Variants in VPS13B observed in about 807,000 individuals in gnomAD.
VPS13B encodes the protein vacuolar protein sorting 13 homolog B, also known as intermembrane lipid transfer protein VPS13B.
VPS13B carries 285 observed loss-of-function variants against 426.4 expected under a neutral mutation model. The observed-to-expected ratio is 0.67, with a 90% confidence interval of 0.61 to 0.74. VPS13B has a LOEUF of 0.74. Ranked by LOEUF, VPS13B falls within the 30% of genes least tolerant of loss-of-function variation. The pLI, the probability that VPS13B is intolerant of heterozygous loss-of-function variation, is 0.00. For synonymous variants in VPS13B, 1,676 were observed against 1,676.4 expected (o/e 1.00, Z 0.01); for missense variants, 4,537 against 4,782.6 (o/e 0.95, Z 1.51).
intron 33 of VPS13B, among the ~76,000 whole-genome samples, chr8:99,626,091 A>G (rs1412484186): frequency 6.6e-6 from 1 of 152,218 alleles, no homozygotes; most frequent in African/African-American, 2.4e-5. Flanking sequence ...CATAGGAGTA[A>G]TTTTTTGTGA....
At position 99,121,392 on chromosome 8, in the gene VPS13B, G is replaced by T. The variant is rs1262956818; in HGVS notation, c.1153G>T (p.Asp385Tyr). 1.2e-6 allele frequency: 2 copies of T among 1,614,034 alleles called. No individual in the cohort carries two copies. The highest frequency in any genetic ancestry group is 1.3e-5 in the African/African-American group (1 of 74,914). The part of the protein sequence containing the change: ...MHQQKAQTLK[D>Y]PIVSIGFYCT... The stretch of plus-strand genomic sequence containing the variant: ...TCAACAAAAAGCACAGACTTTGAAG[G>T]ATCCTATTGTTTCTATAGGATTTTA... The change falls in exon 8 of 62, where the codon GAT becomes TAT. Residue 385 changes from aspartate to tyrosine, a missense_variant. Asp to Tyr is a radical substitution (Grantham distance 160, BLOSUM62 -3). Transcript: ENST00000357162.
At chr8:99,171,699 A>T (rs932913943) in intron 16 of VPS13B, among the ~76,000 whole-genome samples, 4 of 152,066 alleles carry the variant, frequency 2.6e-5, no homozygotes, top group African/African-American at 7.2e-5. Flanking sequence ...TGTAGTTAAG[A>T]CTACTTCTGT....
chr8:99,441,479 T>G (rs2133438378), intron 22 of VPS13B, among the ~76,000 whole-genome samples: 1 of 152,246 alleles, frequency 6.6e-6, no homozygotes, highest in Admixed American at 6.5e-5. Context: ...GTGAAATATT[T>G]TGTAGGAAAT....
chr8:99,313,521 C>T (rs1821130672), intron 19 of VPS13B, among the ~76,000 whole-genome samples: 1 of 152,142 alleles, frequency 6.6e-6, no homozygotes, highest in Non-Finnish European at 1.5e-5. Context: ...CTGATCGTTC[C>T]TCTGGAAGCT....
chr8:99,497,886 T>C (rs1456638256), intron 25 of VPS13B, among the ~76,000 whole-genome samples: 1 of 152,172 alleles, frequency 6.6e-6, no homozygotes, highest in Non-Finnish European at 1.5e-5. Flanking sequence ...CCTTAAATGG[T>C]TTTGTTCTTA....
intron 33 of VPS13B, among the ~76,000 whole-genome samples, chr8:99,634,774 A>G (rs1029164900): frequency 6.6e-6 from 1 of 151,972 alleles, no homozygotes; most frequent in Non-Finnish European, 1.5e-5. Flanking sequence ...GAGACATTTC[A>G]TATTGAAGTC....
At chr8:99,874,890 A>AGCAGAAAATGTT (rs1817614602) in intron 61 of VPS13B, 1 of 154,350 alleles carries the variant, frequency 6.5e-6, no homozygotes, top group Non-Finnish European at 1.4e-5. Flanking sequence ...GATTTAGAAA[A>AGCAGAAAATGTT]GCAGAAAATG....
Position 99,853,861 on chromosome 8 carries a change from T to C in VPS13B, c.10472T>C (p.Leu3491Pro). Reference protein sequence around the residue: ...CITLNEGKSILCDINEFSFEL... With the variant: ...CITLNEGKSIPCDINEFSFEL... ...ACCTTAAATGAAGGCAAGAGCATCC[T>C]CTGTGATATTAATGAGTTCAGCTTT... Residue 3491 changes from leucine (L) to proline (P), a missense_variant, in exon 56 of 62, where the codon CTC becomes CCC. This residue lies in a region of VPS13B where 4,311 missense variants were observed against 4,474.3 expected (regional missense o/e 0.96). Coordinates refer to ENST00000357162, the MANE Select transcript of VPS13B (RefSeq NM_152564.5). 1 of 1,614,264 alleles carries C rather than the reference T, an allele frequency of 6.2e-7. No homozygotes were observed. Among genetic ancestry groups the C allele is most frequent in the Non-Finnish European group, 8.5e-7 (1 of 1,180,052 alleles).
At chr8:99,600,078 C>T (rs1307513998) in intron 33 of VPS13B, among the ~76,000 whole-genome samples, 1 of 152,112 alleles carries the variant, frequency 6.6e-6, no homozygotes, top group Non-Finnish European at 1.5e-5. Context: ...CTACTCAGTG[C>T]AGCTTTTGTC....
At chr8:99,315,919 G>A (rs1043840396) in intron 19 of VPS13B, among the ~76,000 whole-genome samples, 9 of 152,176 alleles carry the variant, frequency 5.9e-5, no homozygotes, top group Non-Finnish European at 1.2e-4. Flanking sequence ...CTGCCCATTG[G>A]TAGAACTTTT....
chr8:99,087,462 T>C (rs1299816360), intron 3 of VPS13B, among the ~76,000 whole-genome samples: 1 of 152,024 alleles, frequency 6.6e-6, no homozygotes, highest in African/African-American at 2.4e-5. Flanking sequence ...GCACCCACTG[T>C]CCTGCATCTA....
At chr8:99,250,000 T>C (rs1213491742) in intron 17 of VPS13B, among the ~76,000 whole-genome samples, 2 of 152,204 alleles carry the variant, frequency 1.3e-5, no homozygotes, top group Non-Finnish European at 2.9e-5. Flanking sequence ...TATGACTTAC[T>C]GGTTTCTTCA....
chr8:99,809,247 C>A (rs1205671286), intron 43 of VPS13B, 128 bp from the exon 44 acceptor site: 22 of 1,156,730 alleles, frequency 1.9e-5, no homozygotes, highest in Non-Finnish European at 2.4e-5. Flanking sequence ...ATGAATAATG[C>A]AGGTTAGAAA....
In VPS13B at chr8:99,458,901, A is replaced by G. The variant is rs868570029; in HGVS notation, c.3446-8513A>G. ...TCACTCTGATGGTAGTTTCTTTTGC[A>G]GTGCAGAAGCTCTTTAGTTTAATTA... On this transcript the variant is annotated intron_variant, in intron 23 of 61. Coordinates refer to ENST00000357162, the MANE Select transcript of VPS13B (RefSeq NM_152564.5). 2.0e-5 allele frequency among the ~76,000 whole-genome samples: 3 copies of G among 152,088 alleles called. No homozygotes were observed. The South Asian group carries it at 6.2e-4, about 32-fold the overall frequency.
At chr8:99,437,658 C>T (rs1182293742) in intron 22 of VPS13B, among the ~76,000 whole-genome samples, 4 of 152,000 alleles carry the variant, frequency 2.6e-5, no homozygotes, top group Non-Finnish European at 4.4e-5. Context: ...GTGGAGGTTG[C>T]AGGGAGCCGA....
chr8:99,194,734 C>G (rs1485038517), intron 17 of VPS13B, among the ~76,000 whole-genome samples: 1 of 152,186 alleles, frequency 6.6e-6, no homozygotes, highest in African/African-American at 2.4e-5. Flanking sequence ...GTGCAGATAT[C>G]TCTCTAACAT....
chr8:99,835,233 G>A lies in VPS13B; in HGVS notation c.9651G>A (p.Val3217=). 1 of 1,613,926 alleles carries A rather than the reference G, an allele frequency of 6.2e-7. No individual in the cohort carries two copies. Among genetic ancestry groups the A allele is most frequent in the Non-Finnish European group, 8.5e-7 (1 of 1,179,968 alleles). The part of the protein sequence containing the change: ...IVLTYQEHLG[V]TYLTLSEDPS... ...TGACATATCAAGAACACCTCGGAGT[G>A]ACTTATTTAACCCTCTCAGAAGACC... is the stretch of plus-strand genomic sequence containing the variant. The change falls in exon 53 of 62, where the codon GTG becomes GTA. Residue 3217 remains valine, a synonymous_variant. Transcript: ENST00000357162.
rs184910997 is a variant in VPS13B, at chr8:99,573,617, C to T, written c.4950-2041C>T. On this transcript the variant is annotated intron_variant, in intron 31 of 61. Transcript: ENST00000357162. ...CAAAGATCAGATGGTTGTAGATACA[C>T]TGCATTATTTCTGAGGGCTCTGTTC... 7.9e-5 allele frequency among the ~76,000 whole-genome samples: 12 copies of T among 152,196 alleles called. No individual in the cohort carries two copies. In the East Asian group the frequency reaches 2.3e-3, roughly 29 times the overall value.
At chr8:99,551,305 ATTAC>A (rs898359908) in intron 30 of VPS13B, among the ~76,000 whole-genome samples, 9 of 152,162 alleles carry the variant, frequency 5.9e-5, no homozygotes, top group African/African-American at 9.6e-5. Flanking sequence ...TGTAAATTTA[ATTAC>A]TTAAGTTTTT....
Sources: gnomAD v4.1 joint callset for allele counts (sites outside exome capture counted in the v4.1 genomes callset) on GRCh38, gnomAD v4.1.1 for gene constraint, gnomAD v4.1.1 regional missense constraint, MANE v1.5 for transcripts, NCBI Gene and HGNC (gene_info 2026-07-23, HGNC 2026-07-21) for gene names.